The following FRY variants were observed in gnomAD, a reference collection of about 807,000 sequenced individuals.
The protein encoded by FRY is FRY microtubule binding protein.
Under a neutral mutation model 348.4 loss-of-function variants are expected in FRY, and 128 were observed. That is an observed-to-expected ratio of 0.37 (90% CI 0.32 to 0.43). The LOEUF (loss-of-function observed/expected upper bound fraction) is 0.43. Among genes scored for constraint, FRY ranks in the 20% least tolerant of loss-of-function variants. The pLI, the probability that FRY is intolerant of heterozygous loss-of-function variation, is 1.00. For synonymous variants in FRY, 1,370 were observed against 1,374.7 expected, an observed-to-expected ratio of 1.00 and a Z score of 0.08; for missense variants, 2,736 against 3,695.2, an observed-to-expected ratio of 0.74 and a Z score of 6.73.
At chr13:32,049,278 T>C (rs1208321326) in intron 1 of FRY, among the ~76,000 whole-genome samples, 2 of 151,602 alleles carry the variant, frequency 1.3e-5, no homozygotes, top group African/African-American at 4.8e-5. Flanking sequence ...TTGCAGGGAG[T>C]TGGGGAGGTG....
chr13:32,258,861 G>A (rs1887476927), intron 51 of FRY, among the ~76,000 whole-genome samples: 2 of 151,936 alleles, frequency 1.3e-5, no homozygotes, highest in East Asian at 1.9e-4. Context: ...CTCTATCTAC[G>A]TATATCAGAC....
At chr13:32,233,442 A>G (rs1322165524) in intron 41 of FRY, among the ~76,000 whole-genome samples, 1 of 152,220 alleles carries the variant, frequency 6.6e-6, no homozygotes, top group Non-Finnish European at 1.5e-5. Flanking sequence ...TTTATCTTAC[A>G]TTTTCATTCC....
Position 32,144,114 on chromosome 13 carries a change from G to A in FRY, c.1180-3168G>A, listed in dbSNP as rs143803729. ...GAATTTCTGAAATTTTTAAATGAGC[G>A]AGTATTTTAAATGCAGCTTTACTAG... On this transcript the variant is annotated intron_variant, in intron 11 of 60. Transcript: ENST00000542859. 4.4e-3 allele frequency among the ~76,000 whole-genome samples: 666 copies of A among 151,420 alleles called. 7 individuals carry two copies. Among genetic ancestry groups the A allele is most frequent in the Middle Eastern group, 0.031 (9 of 294 alleles).
intron 37 of FRY, 89 bp from the exon 38 acceptor site, chr13:32,224,844 T>G (rs1885497847): frequency 3.6e-6 from 3 of 839,500 alleles, no homozygotes; most frequent in African/African-American, 1.7e-5. Flanking sequence ...TAAAAACACT[T>G]AAGAGTTATA....
chr13:32,038,450 A>G (rs2138352712), intron 1 of FRY: 1 of 152,328 alleles, frequency 6.6e-6, no homozygotes, highest in East Asian at 1.9e-4. Flanking sequence ...TCTGGAAACC[A>G]TCCACCATTT....
chr13:32,240,064 C>G (rs1317403410), intron 46 of FRY, among the ~76,000 whole-genome samples, 183 bp downstream of exon 46: 1 of 152,068 alleles, frequency 6.6e-6, no homozygotes, highest in Non-Finnish European at 1.5e-5. Context: ...TTATAGCTTC[C>G]AAGGGTAAAT....
chr13:32,132,003 C>T (rs980818977), intron 8 of FRY, among the ~76,000 whole-genome samples, 163 bp downstream of exon 8: 11 of 152,204 alleles, frequency 7.2e-5, no homozygotes, highest in Non-Finnish European at 1.3e-4. Context: ...AGTACAGTTG[C>T]GGGCACATAA....
intron 54 of FRY, among the ~76,000 whole-genome samples, chr13:32,266,365 C>T (rs1022287792): frequency 1.3e-5 from 2 of 152,218 alleles, no homozygotes; most frequent in African/African-American, 4.8e-5. Flanking sequence ...GCCTCTCTGT[C>T]TCACTTTCCC....
At chr13:32,256,428 G>A (rs563720034) in intron 51 of FRY, among the ~76,000 whole-genome samples, 6 of 151,956 alleles carry the variant, frequency 3.9e-5, no homozygotes, top group African/African-American at 9.7e-5. Flanking sequence ...CCAGCTACTC[G>A]GGAGGCTGAG....
At chr13:32,227,842 A>T (rs1885669088) in intron 39 of FRY, among the ~76,000 whole-genome samples, 1 of 143,414 alleles carries the variant, frequency 7.0e-6, no homozygotes, top group Admixed American at 7.4e-5. Context: ...AACTCCACCC[A>T]CCGGGTTCAC....
intron 13 of FRY, 119 bp downstream of exon 13, chr13:32,148,066 T>A: frequency 1.4e-6 from 1 of 717,792 alleles, no homozygotes; most frequent in Non-Finnish European, 2.6e-6. Flanking sequence ...TTTAGACTTC[T>A]GTGAAAGATT....
chr13:32,197,567 T>A (rs2188584), intron 29 of FRY, among the ~76,000 whole-genome samples: 76,222 of 152,092 alleles, frequency 0.5, 19,093 homozygotes, highest in African/African-American at 0.53. Flanking sequence ...GTTACTGCAG[T>A]TGCCTACCCA....
chr13:32,274,227 G>GT (rs1888366811), intron 55 of FRY, among the ~76,000 whole-genome samples: 1 of 151,984 alleles, frequency 6.6e-6, no homozygotes, highest in Admixed American at 6.6e-5. Context: ...TAAAAGTAGG[G>GT]TTTTTTCCAT....
chr13:32,107,128 G>A (rs748014522), intron 3 of FRY, among the ~76,000 whole-genome samples: 5 of 152,164 alleles, frequency 3.3e-5, no homozygotes, highest in African/African-American at 1.2e-4. Flanking sequence ...AGGCCGAGGC[G>A]GGTGGATCAC....
intron 56 of FRY, 101 bp downstream of exon 56, chr13:32,275,092 CT>C (rs1438344801): frequency 1.8e-6 from 2 of 1,118,580 alleles, no homozygotes; most frequent in Non-Finnish European, 2.7e-6. Flanking sequence ...TTAAAGATAC[CT>C]TCTGGCCGGG....
intron 15 of FRY, among the ~76,000 whole-genome samples, chr13:32,156,648 T>G (rs1881139318): frequency 6.6e-6 from 1 of 150,672 alleles, no homozygotes; most frequent in Admixed American, 6.6e-5. Context: ...GAAATAATCA[T>G]GAATAATTAT....
chr13:32,101,344 G>T (rs942020022), intron 2 of FRY, among the ~76,000 whole-genome samples: 8 of 152,002 alleles, frequency 5.3e-5, no homozygotes, highest in Non-Finnish European at 1.0e-4. Flanking sequence ...TATATATGTA[G>T]CACATTTTCT....
At chr13:32,184,884 G>A in intron 25 of FRY, 92 bp from the exon 26 acceptor site, 8 of 1,155,236 alleles carry the variant, frequency 6.9e-6, no homozygotes, top group Non-Finnish European at 1.0e-5. Flanking sequence ...TTTAGTGTGT[G>A]AGTTGTGACA....
intron 1 of FRY, among the ~76,000 whole-genome samples, chr13:32,057,476 A>G (rs1345702234): frequency 6.6e-6 from 1 of 152,148 alleles, no homozygotes; most frequent in Non-Finnish European, 1.5e-5. Flanking sequence ...CTGGCCTAGT[A>G]GGCTACATTT....
Sources: gnomAD v4.1 joint callset for allele counts (sites outside exome capture counted in the v4.1 genomes callset) on GRCh38, gnomAD v4.1.1 for gene constraint, MANE v1.5 for transcripts, NCBI Gene and HGNC (gene_info 2026-07-23, HGNC 2026-07-21) for gene names.